The following MBTD1 variants were observed in gnomAD, a reference collection of about 807,000 sequenced individuals.
MBTD1 encodes MBT domain-containing protein 1.
A neutral mutation model predicts 87.8 loss-of-function variants in MBTD1; 24 were observed. The observed-to-expected ratio is 0.27, with a 90% CI of 0.20 to 0.38. The LOEUF is 0.38. MBTD1 is among the 10% of genes least tolerant of loss of function. The probability of loss-of-function intolerance (pLI) is 1.00; values close to 1 mark genes in which losing one functional copy is unlikely to be tolerated. For synonymous variants in MBTD1, 237 were observed against 248.6 expected (o/e 0.95, Z 0.44); for missense variants, 436 against 760.2 (o/e 0.57, Z 5.02).
At chr17:51,238,112 G>T (rs1194031475) in intron 2 of MBTD1, among the ~76,000 whole-genome samples, 3 of 152,082 alleles carry the variant, frequency 2.0e-5, no homozygotes, top group Admixed American at 6.6e-5. Context: ...GTGGAAAAGG[G>T]GAGTTATAAA....
At position 51,177,723 on chromosome 17, in the gene MBTD1, T is replaced by C. The variant is rs1481851678; in HGVS notation, c.*2853A>G. 2.0e-5 allele frequency: 3 copies of C among 152,202 alleles called. No individual in the cohort carries two copies. Among genetic ancestry groups the C allele is most frequent in the Admixed American group, 6.5e-5 (1 of 15,278 alleles). The allele number at this position is 152,202 out of a possible 1,614,324, so 9.4% of individuals were successfully genotyped here. ...ATACAGAAATGATGTAAAAACCTTA[T>C]GCAGTTTACTTTGACCTCTGTCCTC... On this transcript the variant is annotated 3_prime_UTR_variant, in exon 17 of 17. Transcript: ENST00000586178.
At chr17:51,205,203 T>G (rs1398421000) in intron 7 of MBTD1, among the ~76,000 whole-genome samples, 1 of 152,216 alleles carries the variant, frequency 6.6e-6, no homozygotes, top group African/African-American at 2.4e-5. Context: ...GCCTTAAATG[T>G]TCAGTTTTAA....
Position 51,206,944 on chromosome 17 carries a change from G to T in MBTD1, c.548C>A (p.Thr183Lys), listed in dbSNP as rs1426582442. The change falls in exon 7 of 17, where the codon ACA becomes AAA. Residue 183 changes from threonine to lysine, a missense_variant. Physicochemically the swap from Thr to Lys is moderately conservative, Grantham distance 78 (BLOSUM62 -1). Coordinates refer to ENST00000586178, the MANE Select transcript of MBTD1 (RefSeq NM_017643.3). ...GACTTTGGTAGGTAGGCTGCAGTCT[G>T]TATTGGGAACTTCTACTCTCACATT... ...SENVRVEVPN[T>K]DCSLPTKVFW... 5 of 1,613,882 alleles carry T rather than the reference G, an allele frequency of 3.1e-6. No individual in the cohort carries two copies. In the South Asian group the frequency reaches 5.5e-5, roughly 18 times the overall value.
intron 2 of MBTD1, chr17:51,250,105 A>G (rs967563922): frequency 2.8e-5 from 4 of 145,108 alleles, no homozygotes; most frequent in African/African-American, 1.0e-4. Context: ...GGGTCTCACT[A>G]TGTTGCCCAG....
chr17:51,191,810 T>C lies in MBTD1; in HGVS notation c.1768+393A>G, dbSNP rs147457397. On this transcript the variant is annotated intron_variant, in intron 16 of 16. Coordinates refer to ENST00000586178, the MANE Select transcript of MBTD1 (RefSeq NM_017643.3). The stretch of plus-strand genomic sequence containing the variant: ...GTTAGCCAGGATGGTCTCGATCTCC[T>C]GACCTTGTGATCTGCCAGCCTCGGC... 3.9e-4 allele frequency: 71 copies of C among 183,092 alleles called. No homozygotes were observed. In the East Asian group the frequency reaches 0.011, roughly 28 times the overall value. The allele number at this position is 183,092 out of a possible 1,614,324, so 11.3% of individuals were successfully genotyped here.
At chr17:51,240,173 T>C (rs8077529) in intron 2 of MBTD1, among the ~76,000 whole-genome samples, 77,956 of 151,966 alleles carry the variant, frequency 0.51, 20,324 homozygotes, top group South Asian at 0.65. Context: ...AATAAATTTA[T>C]GGTAAAAGTG....
intron 2 of MBTD1, among the ~76,000 whole-genome samples, chr17:51,257,570 A>C (rs1056727830): frequency 3.3e-5 from 5 of 152,240 alleles, no homozygotes; most frequent in Admixed American, 3.3e-4. Flanking sequence ...TTAGATAATA[A>C]GGTCAACATA....
chr17:51,204,081 C>A (rs2051659242), intron 7 of MBTD1, among the ~76,000 whole-genome samples, 156 bp from the exon 8 acceptor site: 1 of 152,184 alleles, frequency 6.6e-6, no homozygotes, highest in Non-Finnish European at 1.5e-5. Context: ...TCCAGAGATT[C>A]TGATTTTGTA....
chr17:51,246,539 T>A (rs2144116725), intron 2 of MBTD1, among the ~76,000 whole-genome samples: 1 of 152,370 alleles, frequency 6.6e-6, no homozygotes, highest in South Asian at 2.1e-4. Flanking sequence ...CCTCGCTGAA[T>A]TGTTTGAAGG....
At chr17:51,256,853 G>C (rs2055118444) in intron 2 of MBTD1, 1 of 152,140 alleles carries the variant, frequency 6.6e-6, no homozygotes, top group South Asian at 2.1e-4. Flanking sequence ...GGAGGCACAG[G>C]ATCTTGTCCA....
upstream of MBTD1, chr17:51,260,784 A>T (rs1248014572): frequency 3.2e-6 from 5 of 1,578,528 alleles, no homozygotes; most frequent in African/African-American, 6.7e-5. Context: ...GCGGCGGCGG[A>T]GGAAGAGAGA....
At chr17:51,258,421 T>A (rs1598458196) in intron 2 of MBTD1, among the ~76,000 whole-genome samples, 1 of 151,954 alleles carries the variant, frequency 6.6e-6, no homozygotes, top group Non-Finnish European at 1.5e-5. Flanking sequence ...TGCATGCTAA[T>A]ATAAGGAGAA....
Position 51,260,037 on chromosome 17 carries a change from T to A in MBTD1, c.-315A>T. On this transcript the variant is annotated 5_prime_UTR_variant, in exon 1 of 17. Transcript: ENST00000586178. ...CCCTTTAACTCGGGTGGCCCCAGGA[T>A]ATCAACAACATTAGCATAGCCCTCC... 1 of 421,476 alleles carries A rather than the reference T, an allele frequency of 2.4e-6. No individual in the cohort carries two copies. The highest frequency in any genetic ancestry group is 4.0e-6 in the Non-Finnish European group (1 of 249,250). The allele number at this position is 421,476 out of a possible 1,614,324, so 26.1% of individuals were successfully genotyped here. A position where few individuals can be genotyped will look rare whatever the true frequency, so the allele number is the denominator to read the frequency against.
chr17:51,230,242 T>A (rs533437726), intron 2 of MBTD1, among the ~76,000 whole-genome samples: 1 of 152,124 alleles, frequency 6.6e-6, no homozygotes, highest in South Asian at 2.1e-4. Flanking sequence ...GAACTGACAA[T>A]GTGGAAGGGA....
intron 3 of MBTD1, among the ~76,000 whole-genome samples, chr17:51,223,155 A>G (rs2053011542): frequency 6.6e-6 from 1 of 152,130 alleles, no homozygotes; most frequent in African/African-American, 2.4e-5. Flanking sequence ...ACAGGGCAGA[A>G]TTATCAAAAC....
chr17:51,255,245 C>T (rs555180001), intron 2 of MBTD1, among the ~76,000 whole-genome samples: 3 of 151,912 alleles, frequency 2.0e-5, no homozygotes, highest in African/African-American at 7.2e-5. Flanking sequence ...CATGCCACTG[C>T]ACTCCAGCCT....
upstream of MBTD1, chr17:51,260,722 C>A (rs1229921337): frequency 6.3e-7 from 1 of 1,595,532 alleles, no homozygotes; most frequent in Non-Finnish European, 8.5e-7. Flanking sequence ...CCCCTTCATC[C>A]CAGCGGAAAC....
intron 16 of MBTD1, among the ~76,000 whole-genome samples, chr17:51,188,627 G>C (rs1284534819): frequency 1.3e-5 from 2 of 151,942 alleles, no homozygotes; most frequent in Admixed American, 1.3e-4. Flanking sequence ...AGCTTAGTGA[G>C]AAAACTTTCT....
intron 6 of MBTD1, among the ~76,000 whole-genome samples, chr17:51,214,884 T>C (rs2052477215): frequency 6.6e-6 from 1 of 151,978 alleles, no homozygotes; most frequent in African/African-American, 2.4e-5. Context: ...TGACTATAGG[T>C]TTTCTAAAGA....
Sources: gnomAD v4.1 joint callset for allele counts (sites outside exome capture counted in the v4.1 genomes callset) on GRCh38, gnomAD v4.1.1 for gene constraint, MANE v1.5 for transcripts, NCBI Gene and HGNC (gene_info 2026-07-23, HGNC 2026-07-21) for gene names.